The following B3GALT1 variants were observed in gnomAD, a reference collection of about 807,000 sequenced individuals.
The protein encoded by B3GALT1 is beta-1,3-galactosyltransferase 1.
B3GALT1 carries 10 observed loss-of-function variants against 23.2 expected under a neutral mutation model. That is an observed-to-expected ratio of 0.43 (90% CI 0.27 to 0.73). The LOEUF is 0.73. Ranked by LOEUF, B3GALT1 falls within the 30% of genes least tolerant of loss-of-function variation. B3GALT1 has a pLI of 0.21. For missense variants in B3GALT1, 299 were observed against 405.4 expected, an observed-to-expected ratio of 0.74 and a Z score of 2.25; for synonymous variants, 156 against 141.5, an observed-to-expected ratio of 1.10 and a Z score of -0.73.
intron 3 of B3GALT1, among the ~76,000 whole-genome samples, chr2:167,812,802 C>G (rs866073867): frequency 4.6e-5 from 7 of 152,172 alleles, no homozygotes; most frequent in South Asian, 2.1e-4. Context: ...GGCTACATTC[C>G]TTCATCCTCT....
chr2:167,762,214 G>A (rs1687907783), intron 3 of B3GALT1, among the ~76,000 whole-genome samples: 2 of 152,102 alleles, frequency 1.3e-5, no homozygotes, highest in Admixed American at 1.3e-4. Context: ...ACAGTTCTCA[G>A]CACAATGACA....
At chr2:167,585,907 G>A (rs1242765502) in intron 2 of B3GALT1, among the ~76,000 whole-genome samples, 2 of 152,110 alleles carry the variant, frequency 1.3e-5, no homozygotes, top group Non-Finnish European at 2.9e-5. Context: ...AGTTAAGCAG[G>A]CACAAAAGAA....
At chr2:167,576,076 A>G (rs868653740) in intron 2 of B3GALT1, among the ~76,000 whole-genome samples, 3 of 151,792 alleles carry the variant, frequency 2.0e-5, no homozygotes, top group East Asian at 3.8e-4. Context: ...TTCAAATTTT[A>G]TAAGTTTTGA....
At chr2:167,672,863 A>G (rs1000174037) in intron 3 of B3GALT1, among the ~76,000 whole-genome samples, 4 of 152,210 alleles carry the variant, frequency 2.6e-5, no homozygotes, top group Admixed American at 1.3e-4. Context: ...AATTATAACT[A>G]TATTTTATGG....
intron 1 of B3GALT1, among the ~76,000 whole-genome samples, chr2:167,452,230 G>A (rs1300278341): frequency 6.6e-6 from 1 of 151,938 alleles, no homozygotes; most frequent in African/African-American, 2.4e-5. Context: ...TTTACATTCT[G>A]TCAAAATTGT....
chr2:167,313,425 T>G (rs1037578162), intron 1 of B3GALT1, among the ~76,000 whole-genome samples: 11 of 152,116 alleles, frequency 7.2e-5, no homozygotes, highest in African/African-American at 2.4e-4. Flanking sequence ...TAGAATAGTT[T>G]TAATTTAAAC....
At chr2:167,701,932 A>C (rs1467464586) in intron 3 of B3GALT1, among the ~76,000 whole-genome samples, 3 of 152,156 alleles carry the variant, frequency 2.0e-5, no homozygotes, top group Admixed American at 2.0e-4. Context: ...ATAATTTCTC[A>C]TCCATTTCAA....
chr2:167,609,844 C>T (rs1351882226), intron 2 of B3GALT1, among the ~76,000 whole-genome samples: 2 of 151,988 alleles, frequency 1.3e-5, no homozygotes, highest in Non-Finnish European at 2.9e-5. Context: ...CCATGTTTAC[C>T]ACAATGGTGT....
intron 2 of B3GALT1, among the ~76,000 whole-genome samples, chr2:167,623,025 G>A (rs1353278794): frequency 1.3e-5 from 2 of 152,072 alleles, no homozygotes; most frequent in Middle Eastern, 3.4e-3. Context: ...AAAAAAAAAG[G>A]TATTTGCTTT....
intron 1 of B3GALT1, among the ~76,000 whole-genome samples, chr2:167,441,218 C>T (rs1285114914): frequency 1.3e-5 from 2 of 152,208 alleles, no homozygotes; most frequent in Non-Finnish European, 2.9e-5. Flanking sequence ...GACATGATTG[C>T]ACTTTTGACT....
At chr2:167,509,539 A>G (rs1699972029) in intron 2 of B3GALT1, among the ~76,000 whole-genome samples, 1 of 152,160 alleles carries the variant, frequency 6.6e-6, no homozygotes, top group Admixed American at 6.6e-5. Flanking sequence ...GAAGTATTGG[A>G]GGTAGAATTG....
intron 1 of B3GALT1, among the ~76,000 whole-genome samples, chr2:167,446,634 C>A (rs944207176): frequency 1.3e-5 from 2 of 152,108 alleles, no homozygotes; most frequent in Admixed American, 6.6e-5. Context: ...TCACTGATAC[C>A]CTTTTTCAGT....
At chr2:167,724,019 G>C (rs1242956497) in intron 3 of B3GALT1, among the ~76,000 whole-genome samples, 1 of 152,174 alleles carries the variant, frequency 6.6e-6, no homozygotes, top group Non-Finnish European at 1.5e-5. Context: ...ACATCTAAGT[G>C]ATGAAGATTC....
chr2:167,670,083 T>C (rs1558943940), intron 3 of B3GALT1, among the ~76,000 whole-genome samples: 1 of 152,204 alleles, frequency 6.6e-6, no homozygotes, highest in Non-Finnish European at 1.5e-5. Context: ...CTTTCAGTAC[T>C]CTGCATGTCT....
At chr2:167,742,964 C>A (rs1687598192) in intron 3 of B3GALT1, among the ~76,000 whole-genome samples, 1 of 152,200 alleles carries the variant, frequency 6.6e-6, no homozygotes, top group East Asian at 1.9e-4. Context: ...ATATCATAAA[C>A]AATATGCATA....
At chr2:167,745,926 A>C (rs1687644848) in intron 3 of B3GALT1, among the ~76,000 whole-genome samples, 1 of 152,134 alleles carries the variant, frequency 6.6e-6, no homozygotes, top group African/African-American at 2.4e-5. Flanking sequence ...ATTTATGATT[A>C]ATATCCTCAT....
chr2:167,869,522 A>G lies in B3GALT1; in HGVS notation c.483A>G (p.Arg161=). The G allele has an allele frequency of 6.2e-7, 1 of 1,613,998 alleles. No homozygotes were observed. Among genetic ancestry groups the G allele is most frequent in the Non-Finnish European group, 8.5e-7 (1 of 1,180,020 alleles). The change falls in exon 5 of 5, where the codon AGA becomes AGG. Residue 161 remains arginine (R), a synonymous_variant. Coordinates refer to ENST00000392690, the MANE Select transcript of B3GALT1 (RefSeq NM_020981.4). The surrounding 1 kb of genome is among the most constrained non-coding windows in gnomAD (Gnocchi z 6.4). ...NLTLKTLMGM[R]WVATFCSKAK... ...CCCTCAAAACATTAATGGGGATGAG[A>G]TGGGTGGCCACTTTTTGTTCAAAAG...
chr2:167,660,761 C>A (rs747453226), intron 3 of B3GALT1, among the ~76,000 whole-genome samples: 1 of 152,100 alleles, frequency 6.6e-6, no homozygotes, highest in Non-Finnish European at 1.5e-5. Context: ...CTGACATTTT[C>A]TTTAGCTTAT....
At chr2:167,354,545 C>A (rs1035137637) in intron 1 of B3GALT1, among the ~76,000 whole-genome samples, 7 of 152,092 alleles carry the variant, frequency 4.6e-5, no homozygotes, top group Non-Finnish European at 1.0e-4. Flanking sequence ...TGGGGTTTCA[C>A]CATGTTGGCC....
Sources: gnomAD v4.1 joint callset for allele counts (sites outside exome capture counted in the v4.1 genomes callset) on GRCh38, gnomAD v4.1.1 for gene constraint, Gnocchi (gnomAD v3.1) non-coding constraint, MANE v1.5 for transcripts, NCBI Gene and HGNC (gene_info 2026-07-23, HGNC 2026-07-21) for gene names.